MAST1: variants seen among roughly 807,000 people sequenced by gnomAD.
The protein encoded by MAST1 is microtubule-associated serine/threonine-protein kinase 1.
In MAST1, 40 loss-of-function variants were observed where a neutral mutation model predicts 124.6. That is an observed-to-expected ratio of 0.32 (90% CI 0.25 to 0.42). MAST1 has a LOEUF of 0.42. Among genes scored for constraint, MAST1 ranks in the 10% least tolerant of loss-of-function variants. The pLI is 1.00. For synonymous variants in MAST1, 938 were observed against 939.4 expected (o/e 1.00, Z 0.03); for missense variants, 1,558 against 2,181.9 (o/e 0.71, Z 5.70).
At position 12,868,710 on chromosome 19, in the gene MAST1, T is replaced by C. The variant is rs1457249797; in HGVS notation, c.2634T>C (p.Ala878=). The change falls in exon 21 of 26, where the codon GCT becomes GCC. Residue 878 remains alanine (A), a synonymous_variant. Coordinates refer to ENST00000251472, the MANE Select transcript of MAST1 (RefSeq NM_014975.3). ...SKDGDASGPR[A]TNDLVLRRAR... is the part of the protein sequence containing the mutation. ...ATGGGGATGCATCAGGCCCAAGGGC[T>C]ACCAATGACTTGGTTCTGCGCCGGG... The C allele has an allele frequency of 3.1e-6, 5 of 1,613,146 alleles. No homozygotes were observed. The highest frequency in any genetic ancestry group is 3.4e-6 in the Non-Finnish European group (4 of 1,179,428).
intron 22 of MAST1, among the ~76,000 whole-genome samples, chr19:12,869,735 C>G (rs1475910860): frequency 6.6e-6 from 1 of 151,798 alleles, no homozygotes; most frequent in Non-Finnish European, 1.5e-5. Flanking sequence ...GGTGCCTGGC[C>G]GAGACTGTTT....
At position 12,866,711 on chromosome 19, in the gene MAST1, G is replaced by C; in HGVS notation, c.2088G>C (p.Glu696Asp). 3 of 1,613,950 alleles carry C rather than the reference G, an allele frequency of 1.9e-6. No individual in the cohort carries two copies. The highest frequency in any genetic ancestry group is 2.5e-6 in the Non-Finnish European group (3 of 1,179,952). The part of the protein sequence containing the change: ...NSYDEDDTTE[E>D]EPVEIRQFSS... ...ATGACGAGGATGACACGACGGAGGA[G>C]GAGCCCGTGGAAATCCGCCAGTTCT... is the stretch of plus-strand genomic sequence containing the variant. The change falls in exon 18 of 26, where the codon GAG (glutamate) becomes GAC (aspartate). Residue 696 changes from glutamate to aspartate, a missense_variant. Around this residue, in one of 10 missense-constraint regions of MAST1, gnomAD observed 287 missense variants for 308.0 expected, o/e 0.93. Transcript: ENST00000251472. The surrounding 1 kb of genome is among the most constrained non-coding windows in gnomAD (Gnocchi z 5.2).
At position 12,865,790 on chromosome 19, in the gene MAST1, G is replaced by A; in HGVS notation, c.1878G>A (p.Gln626=). 1 of 1,613,868 alleles carries A rather than the reference G, an allele frequency of 6.2e-7. No individual in the cohort carries two copies. Among genetic ancestry groups the A allele is most frequent in the Admixed American group, 1.7e-5 (1 of 60,012 alleles). ...EAQLLISSLL[Q]TNPLVRLGAG... is the part of the protein sequence containing the mutation. ...AACTCCTCATATCCAGCCTCCTGCA[G>A]ACCAACCCTCTGGTCAGGCTTGGGG... The change falls in exon 16 of 26, where the codon CAG becomes CAA. Residue 626 remains glutamine, a synonymous_variant. Coordinates refer to ENST00000251472, the MANE Select transcript of MAST1 (RefSeq NM_014975.3). This position sits in a 1 kb window ranked among gnomAD's most constrained non-coding sequence, Gnocchi z 7.1.
chr19:12,858,006 CAAAAAAAAAAA>C (rs539497049), intron 10 of MAST1, among the ~76,000 whole-genome samples: 97 of 49,440 alleles, frequency 2.0e-3, no homozygotes, highest in Middle Eastern at 0.019. Flanking sequence ...GAACCTATCT[CAAAAAAAAAAA>C]AAAAAAAAAA....
chr19:12,871,227 G>A lies in MAST1; in HGVS notation c.3263+55G>A. 1.9e-6 allele frequency: 3 copies of A among 1,608,802 alleles called. No individual in the cohort carries two copies. The African/African-American group carries it at 4.0e-5, about 21-fold the overall frequency. ...TGAGCAGTGGGTGGAACTTAGGCGG[G>A]AGGGGCACAGATGAGGATGGAGAAG... On this transcript the variant is annotated intron_variant, in intron 24 of 25. Coordinates refer to ENST00000251472, the MANE Select transcript of MAST1 (RefSeq NM_014975.3).
rs766312382 is a variant in MAST1 at position 12,866,060 on chromosome 19, A to G, written c.1987A>G (p.Ile663Val). Residue 663 changes from isoleucine to valine, a missense_variant, in exon 17 of 26, where the codon ATC becomes GTC. This residue lies in a region of MAST1 where 145 missense variants were observed against 350.0 expected (regional missense o/e 0.41). Transcript: ENST00000251472. The surrounding 1 kb of genome is among the most constrained non-coding windows in gnomAD (Gnocchi z 5.2). ...GCTGCTGAGGCAGAAGGCCGAGTTC[A>G]TCCCCCACCTAGAGTCGGAAGATGA... is the stretch of plus-strand genomic sequence containing the variant. Reference protein sequence around the residue: ...TGLLRQKAEFIPHLESEDDTS... With the variant: ...TGLLRQKAEFVPHLESEDDTS... 1.2e-6 allele frequency: 2 copies of G among 1,614,164 alleles called. No individual in the cohort carries two copies. The highest frequency in any genetic ancestry group is 8.5e-7 in the Non-Finnish European group (1 of 1,180,038).
At chr19:12,867,676 T>G (rs1271284228) in intron 19 of MAST1, 24 bp downstream of exon 19, 2 of 1,551,712 alleles carry the variant, frequency 1.3e-6, no homozygotes, top group South Asian at 2.4e-5. Flanking sequence ...TGGCGGAGTT[T>G]GGGGGCGGGG....
At chr19:12,863,186 AAAAG>A (rs1313905119) in intron 12 of MAST1, among the ~76,000 whole-genome samples, 1 of 151,376 alleles carries the variant, frequency 6.6e-6, no homozygotes, top group Non-Finnish European at 1.5e-5. Context: ...AAAAAAGAGA[AAAAG>A]AAAAAAATTA....
rs773538891 is a variant in MAST1, at chr19:12,874,189, G to A, written c.4032G>A (p.Pro1344=). 10 of 1,542,344 alleles carry A rather than the reference G, an allele frequency of 6.5e-6. No homozygotes were observed. The highest frequency in any genetic ancestry group is 2.4e-5 in the South Asian group (2 of 84,610). ...CACCTTTGAGCCTGGGCGCGGACCC[G>A]TTGCTGCCCGAGGGTGCCTCCAGGC... is the stretch of plus-strand genomic sequence containing the variant. ...QESPLSLGAD[P]LLPEGASRPP... Residue 1344 remains proline (P), a synonymous_variant, in exon 26 of 26, where the codon CCG becomes CCA. Coordinates refer to ENST00000251472, the MANE Select transcript of MAST1 (RefSeq NM_014975.3). The surrounding 1 kb of genome is among the most constrained non-coding windows in gnomAD (Gnocchi z 6.6).
At chr19:12,856,304 C>CTTT (rs201548961) in intron 10 of MAST1, among the ~76,000 whole-genome samples, 1 of 139,230 alleles carries the variant, frequency 7.2e-6, no homozygotes, top group Non-Finnish European at 1.6e-5. Flanking sequence ...TATTTTGCCA[C>CTTT]TTTTTTTTTT....
intron 1 of MAST1, among the ~76,000 whole-genome samples, chr19:12,840,213 T>C (rs559559018): frequency 1.1e-4 from 17 of 152,332 alleles, no homozygotes; most frequent in South Asian, 4.1e-4. Context: ...GACACTGCCC[T>C]ACACATAATC....
chr19:12,841,545 T>C lies in MAST1; in HGVS notation c.248+479T>C, dbSNP rs962940403. ...TTAGGGTTTCTGGGGTGTCCTTAAA[T>C]GAATTTTCTATGGGCCTTTGGTGAA... On this transcript the variant is annotated intron_variant, in intron 3 of 25. Transcript: ENST00000251472. This position sits in a 1 kb window ranked among gnomAD's most constrained non-coding sequence, Gnocchi z 4.3. 2.0e-5 allele frequency among the ~76,000 whole-genome samples: 3 copies of C among 152,230 alleles called. No homozygotes were observed. The highest frequency in any genetic ancestry group is 7.2e-5 in the African/African-American group (3 of 41,464).
In MAST1 at chr19:12,866,329, C is replaced by T. The variant is rs1389266305; in HGVS notation, c.2029+227C>T. ...ACCTGAGATTGGGCTAGGTGTGGGGCCTGGCCTGGGTGAGTTGTGAGTGTG... is the reference window on the plus strand; with the variant it reads ...ACCTGAGATTGGGCTAGGTGTGGGGTCTGGCCTGGGTGAGTTGTGAGTGTG... On this transcript the variant is annotated intron_variant, in intron 17 of 25. Coordinates refer to ENST00000251472, the MANE Select transcript of MAST1 (RefSeq NM_014975.3). The surrounding 1 kb of genome is among the most constrained non-coding windows in gnomAD (Gnocchi z 5.2). Among the ~76,000 whole-genome samples the T allele has an allele frequency of 6.6e-6, 1 of 151,922 alleles. No individual in the cohort carries two copies. The highest frequency in any genetic ancestry group is 1.5e-5 in the Non-Finnish European group (1 of 67,962).
intron 19 of MAST1, 37 bp from the exon 20 acceptor site, chr19:12,867,693 G>C (rs1363284469): frequency 6.5e-7 from 1 of 1,538,866 alleles, no homozygotes; most frequent in Non-Finnish European, 8.7e-7. Flanking sequence ...GGGGTCGAAG[G>C]GGGCGTGTCT....
intron 12 of MAST1, among the ~76,000 whole-genome samples, chr19:12,863,377 C>T (rs1304181956): frequency 1.3e-5 from 2 of 151,936 alleles, no homozygotes; most frequent in African/African-American, 4.8e-5. Context: ...TCCTGGGCCC[C>T]ACCCTCAGAG....
Position 12,868,505 on chromosome 19 carries a change from G to A in MAST1, c.2567-138G>A. The A allele has an allele frequency of 4.4e-6, 3 of 686,478 alleles. No homozygotes were observed. In the South Asian group the frequency reaches 5.5e-5, roughly 13 times the overall value. The allele number at this position is 686,478 out of a possible 1,614,324, so 42.5% of individuals were successfully genotyped here. Reference sequence around the variant, plus strand: ...ATGTCTCTATATGAGGAGCAGTGAGGCATGCAGGTTACCTGCTCAGATGAA... The same window carrying A: ...ATGTCTCTATATGAGGAGCAGTGAGACATGCAGGTTACCTGCTCAGATGAA... On this transcript the variant is annotated intron_variant, in intron 20 of 25. Coordinates refer to ENST00000251472, the MANE Select transcript of MAST1 (RefSeq NM_014975.3).
chr19:12,845,948 C>T (rs571616268), intron 4 of MAST1, among the ~76,000 whole-genome samples: 2 of 152,096 alleles, frequency 1.3e-5, no homozygotes, highest in South Asian at 2.1e-4. Context: ...CGTGAGCCAC[C>T]GAGCCCTGCC....
rs185163656 is a variant in MAST1, at chr19:12,867,257, C to T, written c.2140-217C>T. ...TGTGTAGAGAGCAGATTGGTCAGGG[C>T]ATCGTCGGGGCAGAGCCTAGAATAA... On this transcript the variant is annotated intron_variant, in intron 18 of 25. Coordinates refer to ENST00000251472, the MANE Select transcript of MAST1 (RefSeq NM_014975.3). 3.1e-3 allele frequency among the ~76,000 whole-genome samples: 475 copies of T among 152,166 alleles called. 3 individuals are homozygous for T. The highest frequency in any genetic ancestry group is 0.024 in the Admixed American group (363 of 15,274).
At chr19:12,858,962 TCA>T (rs751079164) in intron 12 of MAST1, 28 of 606,026 alleles carry the variant, frequency 4.6e-5, no homozygotes, top group Non-Finnish European at 8.2e-5. Context: ...ATAAAAACAT[TCA>T]GTCTGACCCA....
Sources: gnomAD v4.1 joint callset for allele counts (sites outside exome capture counted in the v4.1 genomes callset) on GRCh38, gnomAD v4.1.1 for gene constraint, gnomAD v4.1.1 regional missense constraint, Gnocchi (gnomAD v3.1) non-coding constraint, MANE v1.5 for transcripts, NCBI Gene and HGNC (gene_info 2026-07-23, HGNC 2026-07-21) for gene names.